LITAFD: variants seen among roughly 807,000 people sequenced by gnomAD.
LITAFD encodes the protein lITAF domain-containing protein.
intron 1 of LITAFD, chr16:8,882,926 C>A (rs62031267): frequency 0.019 from 2,850 of 152,358 alleles, 40 homozygotes; most frequent in Middle Eastern, 0.061. Context: ...CTTTCAGAAT[C>A]TGTTTTCCAA....
intron 3 of LITAFD, 64 bp from the exon 4 acceptor site, chr16:8,885,123 G>C (rs901424948): frequency 5.0e-6 from 2 of 399,144 alleles, no homozygotes; most frequent in African/African-American, 4.1e-5. Context: ...CTGGGTCCCA[G>C]GTGCGTCCAG....
At chr16:8,884,946 C>A in intron 3 of LITAFD, 2 of 396,614 alleles carry the variant, frequency 5.0e-6, no homozygotes, top group East Asian at 7.1e-5. Context: ...CAAAATTAGC[C>A]GGGTGTGGTG....
chr16:8,882,506 C>T (rs946796107), exon 1 of LITAFD: 3 of 152,450 alleles, frequency 2.0e-5, no homozygotes, highest in Non-Finnish European at 4.4e-5. Flanking sequence ...TGGAATCATC[C>T]CCGGGTGAGG....
At chr16:8,884,387 G>A (rs1596338850) in exon 3 of LITAFD, 3 of 399,082 alleles carry the variant, frequency 7.5e-6, no homozygotes, top group Non-Finnish European at 1.3e-5. Flanking sequence ...CCCTACTGTG[G>A]AAACCGCATC....
At chr16:8,883,683 C>T (rs1308643771) in intron 2 of LITAFD, among the ~76,000 whole-genome samples, 1 of 152,194 alleles carries the variant, frequency 6.6e-6, no homozygotes, top group African/African-American at 2.4e-5. Flanking sequence ...ACAAATTTTC[C>T]AAGGAATTCT....
At chr16:8,883,231 C>T (rs1195178693) in exon 2 of LITAFD, 2 of 152,332 alleles carry the variant, frequency 1.3e-5, no homozygotes, top group African/African-American at 4.8e-5. Flanking sequence ...GCTGGTCCCC[C>T]TCCTCCCTAT....
intron 3 of LITAFD, among the ~76,000 whole-genome samples, chr16:8,884,862 G>A (rs569977072): frequency 5.9e-5 from 9 of 152,226 alleles, no homozygotes; most frequent in African/African-American, 2.2e-4. Context: ...AGGTGGGTGC[G>A]TCACTTGAGG....
At chr16:8,883,638 G>GC (rs1416896595) in intron 2 of LITAFD, among the ~76,000 whole-genome samples, 3 of 152,174 alleles carry the variant, frequency 2.0e-5, no homozygotes, top group African/African-American at 7.2e-5. Flanking sequence ...GGAAGGCCGA[G>GC]CCCCCCAGGT....
chr16:8,885,160 C>G (rs1215242166), intron 3 of LITAFD, 27 bp from the exon 4 acceptor site: 1 of 399,198 alleles, frequency 2.5e-6, no homozygotes, highest in Admixed American at 4.4e-5. Context: ...GCCCCGCTCA[C>G]GCCCAGCCTC....
chr16:8,882,807 C>G (rs781098232), intron 1 of LITAFD: 1 of 152,306 alleles, frequency 6.6e-6, no homozygotes, highest in Non-Finnish European at 1.5e-5. Flanking sequence ...CGCTCCTGCC[C>G]GTGGCCAGAG....
At chr16:8,884,426 C>T (rs970894567) in exon 3 of LITAFD, 7 of 399,268 alleles carry the variant, frequency 1.8e-5, no homozygotes, top group Non-Finnish European at 3.1e-5. Flanking sequence ...GTCCCGGGTG[C>T]CCTCACCTGG....
exon 4 of LITAFD, chr16:8,885,292 G>T (rs1223941064): frequency 5.0e-6 from 2 of 399,032 alleles, no homozygotes; most frequent in Non-Finnish European, 8.8e-6. Flanking sequence ...ACCACCGCCT[G>T]TGAGCCCCCA....
chr16:8,884,853 G>C (rs1006906917), intron 3 of LITAFD, among the ~76,000 whole-genome samples: 1 of 152,306 alleles, frequency 6.6e-6, no homozygotes. Context: ...GGGAGGCCGA[G>C]GTGGGTGCGT....
chr16:8,884,622 C>T (rs1156407443), intron 3 of LITAFD, among the ~76,000 whole-genome samples, 157 bp downstream of exon 3: 2 of 152,272 alleles, frequency 1.3e-5, no homozygotes, highest in East Asian at 1.9e-4. Flanking sequence ...TGAGAGGAGG[C>T]GGCAGCCCTC....
chr16:8,883,844 C>T (rs888548856), intron 2 of LITAFD, among the ~76,000 whole-genome samples: 2 of 152,154 alleles, frequency 1.3e-5, no homozygotes, highest in African/African-American at 4.8e-5. Flanking sequence ...GCAGGTGGAT[C>T]GCATGAGGTC....
intron 3 of LITAFD, among the ~76,000 whole-genome samples, 186 bp downstream of exon 3, chr16:8,884,651 T>A (rs546150758): frequency 2.6e-5 from 4 of 152,060 alleles, no homozygotes; most frequent in African/African-American, 9.6e-5. Context: ...GGACCTCCCA[T>A]GAGAACAGCA....
chr16:8,885,268 C>T (rs934000014), exon 4 of LITAFD: 28 of 398,986 alleles, frequency 7.0e-5, no homozygotes, highest in African/African-American at 3.7e-4. Flanking sequence ...TGTGTCAGCG[C>T]GAGCTCTTCT....
rs541038886 is a variant in LITAFD at position 8,884,320 on chromosome 16, C to T, written c.-33-3C>T. The T allele has an allele frequency of 1.0e-5, 4 of 399,144 alleles. No homozygotes were observed. Among genetic ancestry groups the T allele is most frequent in the African/African-American group, 2.1e-5 (1 of 48,756 alleles). The allele number at this position is 399,144 out of a possible 1,614,324, so 24.7% of individuals were successfully genotyped here. A position where few individuals can be genotyped will look rare whatever the true frequency, so the allele number is the denominator to read the frequency against. On this transcript the variant is annotated splice_region_variant and splice_polypyrimidine_tract_variant and intron_variant, in intron 2 of 3. Transcript: ENST00000636296. ...ACCTGCTTCCCGCTTCCCACTCCCA[C>T]AGCTGTATGCCGGCATGTCCGTGGT... is the stretch of plus-strand genomic sequence containing the variant.
At position 8,883,616 on chromosome 16, in the gene LITAFD, C is replaced by A. The variant is rs111921660; in HGVS notation, c.-34+330C>A. 2.5e-3 allele frequency among the ~76,000 whole-genome samples: 383 copies of A among 152,284 alleles called. 2 individuals carry two copies. The highest frequency in any genetic ancestry group is 7.8e-3 in the African/African-American group (325 of 41,558). ...CTCTGCAAACACACCACCCCTCAGG[C>A]CACAGAGGAGGGGAAGGCCGAGCCC... On this transcript the variant is annotated intron_variant, in intron 2 of 3. Coordinates refer to ENST00000636296, the Ensembl canonical transcript of LITAFD.
Sources: allele counts gnomAD v4.1 joint callset (sites outside exome capture counted in the v4.1 genomes callset), GRCh38; gene constraint gnomAD v4.1.1; transcripts MANE v1.5; gene names NCBI Gene and HGNC (gene_info 2026-07-23, HGNC 2026-07-21).